VCPIP1: variants seen among roughly 807,000 people sequenced by gnomAD.
VCPIP1 encodes the protein deubiquitinating protein VCPIP1.
VCPIP1 carries 8 observed loss-of-function variants against 85.0 expected under a neutral mutation model. The ratio of observed to expected loss-of-function variants is 0.09; its 90% CI spans 0.06 to 0.17. The LOEUF is 0.17. Ranked by LOEUF, VCPIP1 falls within the 10% of genes least tolerant of loss-of-function variation. VCPIP1 has a pLI of 1.00. For missense variants in VCPIP1, 1,070 were observed against 1,486.3 expected (o/e 0.72, Z 4.61); for synonymous variants, 543 against 544.5 (o/e 1.00, Z 0.04).
chr8:66,665,539 C>A lies in VCPIP1; in HGVS notation c.1420G>T (p.Ala474Ser), dbSNP rs745986800. 4.3e-6 allele frequency: 7 copies of A among 1,614,056 alleles called. No homozygotes were observed. The highest frequency in any genetic ancestry group is 2.2e-5 in the East Asian group (1 of 44,882). Residue 474 changes from alanine to serine, a missense_variant, in exon 1 of 3, where the codon GCC becomes TCC. Ala to Ser is a moderately conservative substitution (Grantham distance 99). Around this residue, in one of 8 missense-constraint regions of VCPIP1, gnomAD observed 83 missense variants for 134.6 expected, o/e 0.62. Coordinates refer to ENST00000310421, the MANE Select transcript of VCPIP1 (RefSeq NM_025054.5). This position sits in a 1 kb window ranked among gnomAD's most constrained non-coding sequence, Gnocchi z 4.3. ...GGAGGAACATGAAGTTCAGAAAGGGCACCACAGAGCAAACATTTGTGAAGG... is the reference window on the plus strand; with the variant it reads ...GGAGGAACATGAAGTTCAGAAAGGGAACCACAGAGCAAACATTTGTGAAGG... Reference protein sequence around the residue: ...NRLHKCLLCGALSELHVPPEW... With the variant: ...NRLHKCLLCGSLSELHVPPEW...
At position 66,666,932 on chromosome 8, in the gene VCPIP1, A is replaced by C. The variant is rs1213499125; in HGVS notation, c.27T>G (p.Pro9=). The change falls in exon 1 of 3, where the codon CCT becomes CCG. Residue 9 remains proline (P), a synonymous_variant. Coordinates refer to ENST00000310421, the MANE Select transcript of VCPIP1 (RefSeq NM_025054.5). The surrounding 1 kb of genome is among the most constrained non-coding windows in gnomAD (Gnocchi z 6.3). ...GGGGAGGAGGTGGCGGCGGCAACGGAGGCGGCGGCGGCGGCGGCTGAGACA... is the reference window on the plus strand; with the variant it reads ...GGGGAGGAGGTGGCGGCGGCAACGGCGGCGGCGGCGGCGGCGGCTGAGACA... MSQPPPPP[P]PLPPPPPPPE... is the part of the protein sequence containing the mutation. 1 of 1,580,732 alleles carries C rather than the reference A, an allele frequency of 6.3e-7. No homozygotes were observed. Among genetic ancestry groups the C allele is most frequent in the African/African-American group, 1.4e-5 (1 of 72,638 alleles).
Position 66,667,023 on chromosome 8 carries a change from C to T in VCPIP1, c.-65G>A, listed in dbSNP as rs1811225237. On this transcript the variant is annotated 5_prime_UTR_variant, in exon 1 of 3. Transcript: ENST00000310421. The stretch of plus-strand genomic sequence containing the variant: ...CCCTCAAAAGCTCATAGCCCAGACC[C>T]CCACCAACCCGACTCGGTCCAGTCC... 1 of 1,445,782 alleles carries T rather than the reference C, an allele frequency of 6.9e-7. No homozygotes were observed. The allele number at this position is 1,445,782 out of a possible 1,614,324, so 89.6% of individuals were successfully genotyped here. A position where few individuals can be genotyped will look rare whatever the true frequency, so the allele number is the denominator to read the frequency against.
At chr8:66,655,010 T>C (rs1021441528) in intron 1 of VCPIP1, among the ~76,000 whole-genome samples, 2 of 152,182 alleles carry the variant, frequency 1.3e-5, no homozygotes, top group Non-Finnish European at 2.9e-5. Flanking sequence ...GGCCAATAAT[T>C]GTTACGTATC....
At chr8:66,644,049 T>A (rs1331674620) in intron 2 of VCPIP1, among the ~76,000 whole-genome samples, 1 of 152,008 alleles carries the variant, frequency 6.6e-6, no homozygotes, top group Non-Finnish European at 1.5e-5. Context: ...AAGACAAAAC[T>A]AACAAAGCTT....
chr8:66,642,527 G>C (rs565162267), intron 2 of VCPIP1, among the ~76,000 whole-genome samples: 1 of 152,060 alleles, frequency 6.6e-6, no homozygotes, highest in Non-Finnish European at 1.5e-5. Flanking sequence ...TTTCTTCTAA[G>C]AGTTTTCTAG....
Position 66,634,596 on chromosome 8 carries a change from T to G in VCPIP1, c.3574A>C (p.Lys1192Gln). The change falls in exon 3 of 3, where the codon AAA (lysine) becomes CAA (glutamine). Residue 1192 changes from lysine (K) to glutamine (Q), a missense_variant. Lys to Gln is a moderately conservative substitution (Grantham distance 53, BLOSUM62 1). Around this residue, in one of 8 missense-constraint regions of VCPIP1, gnomAD observed 255 missense variants for 289.5 expected, o/e 0.88. Transcript: ENST00000310421. Reference protein sequence around the residue: ...ALGAAFATRSKAQRGNSVEEL... With the variant: ...ALGAAFATRSQAQRGNSVEEL... ...TCCACGGAATTTCCCCTTTGTGCTT[T>G]TGACCTTGTGGCAAAGGCTGCTCCC... The G allele has an allele frequency of 6.2e-7, 1 of 1,614,224 alleles. No individual in the cohort carries two copies. The highest frequency in any genetic ancestry group is 8.5e-7 in the Non-Finnish European group (1 of 1,180,046).
At position 66,651,553 on chromosome 8, in the gene VCPIP1, CAAAA is replaced by C; in HGVS notation, c.2711-13_2711-10del. 6.2e-7 allele frequency: 1 copy of C among 1,608,364 alleles called. No homozygotes were observed. Among genetic ancestry groups the C allele is most frequent in the Non-Finnish European group, 8.5e-7 (1 of 1,176,962 alleles). ...AGACCATACATCTTCTCCTGTAAGACAAAAACAGATATAGTATTAGCAACAAACA... is the reference window on the plus strand; with the variant it reads ...AGACCATACATCTTCTCCTGTAAGACACAGATATAGTATTAGCAACAAACA... On this transcript the variant is annotated splice_polypyrimidine_tract_variant and intron_variant, in intron 1 of 2. Transcript: ENST00000310421.
At chr8:66,651,332 T>G (rs956812296) in intron 2 of VCPIP1, 126 bp downstream of exon 2, 5 of 701,372 alleles carry the variant, frequency 7.1e-6, no homozygotes, top group Non-Finnish European at 8.9e-6. Flanking sequence ...TTAGGCAAAC[T>G]GCTAAAAGAA....
rs971021018 is a variant in VCPIP1 at position 66,666,889 on chromosome 8, G to A, written c.70C>T (p.Pro24Ser). The change falls in exon 1 of 3, where the codon CCG (proline) becomes TCG (serine). Residue 24 changes from proline (P) to serine (S), a missense_variant. Around this residue, in one of 8 missense-constraint regions of VCPIP1, gnomAD observed 164 missense variants for 158.6 expected, o/e 1.03. Transcript: ENST00000310421. This position sits in a 1 kb window ranked among gnomAD's most constrained non-coding sequence, Gnocchi z 6.3. ...PPPPPEAPQT[P>S]SSLASAAASG... ...GCAGCCGCCGACGCCAAGGACGACG[G>A]AGTCTGTGGAGCCTCAGGGGGAGGA... is the stretch of plus-strand genomic sequence containing the variant. 1 of 1,612,340 alleles carries A rather than the reference G, an allele frequency of 6.2e-7. No homozygotes were observed. The highest frequency in any genetic ancestry group is 8.5e-7 in the Non-Finnish European group (1 of 1,179,692).
chr8:66,638,983 T>TAC (rs749958600), intron 2 of VCPIP1, among the ~76,000 whole-genome samples: 1 of 149,550 alleles, frequency 6.7e-6, no homozygotes, highest in Non-Finnish European at 1.5e-5. Context: ...TATATATATA[T>TAC]ATACATATAT....
At chr8:66,659,715 G>C (rs567490604) in intron 1 of VCPIP1, among the ~76,000 whole-genome samples, 2 of 152,204 alleles carry the variant, frequency 1.3e-5, no homozygotes, top group East Asian at 3.9e-4. Context: ...TGGATTGTCT[G>C]AGCTCAGGAG....
At chr8:66,637,336 A>C (rs1302469020) in intron 2 of VCPIP1, among the ~76,000 whole-genome samples, 1 of 152,100 alleles carries the variant, frequency 6.6e-6, no homozygotes, top group East Asian at 1.9e-4. Context: ...GGTGATAGCA[A>C]GAAACTGTCT....
At position 66,631,394 on chromosome 8, in the gene VCPIP1, A is replaced by C. The variant is rs1412651091; in HGVS notation, c.*3107T>G. 1 of 154,536 alleles carries C rather than the reference A, an allele frequency of 6.5e-6. No individual in the cohort carries two copies. Among genetic ancestry groups the C allele is most frequent in the Non-Finnish European group, 1.5e-5 (1 of 68,008 alleles). The allele number at this position is 154,536 out of a possible 1,614,324, so 9.6% of individuals were successfully genotyped here. A position where few individuals can be genotyped will look rare whatever the true frequency, so the allele number is the denominator to read the frequency against. On this transcript the variant is annotated 3_prime_UTR_variant, in exon 3 of 3. Transcript: ENST00000310421. ...AGATAGTATTGGTAGGTAACTACAT[A>C]AAACAATACTTTTATACATTTTGCA...
chr8:66,660,696 G>A (rs1412475814), intron 1 of VCPIP1, among the ~76,000 whole-genome samples: 1 of 152,088 alleles, frequency 6.6e-6, no homozygotes, highest in East Asian at 1.9e-4. Flanking sequence ...CTTTACATAT[G>A]GTTAGTATTT....
At chr8:66,662,785 G>A (rs1207404176) in intron 1 of VCPIP1, among the ~76,000 whole-genome samples, 9 of 151,596 alleles carry the variant, frequency 5.9e-5, no homozygotes, top group Admixed American at 2.0e-4. Flanking sequence ...GGGTTGAAGC[G>A]ATTCTCCTGC....
chr8:66,648,979 G>A (rs1473445916), intron 2 of VCPIP1, among the ~76,000 whole-genome samples: 2 of 152,078 alleles, frequency 1.3e-5, no homozygotes, highest in Admixed American at 6.5e-5. Flanking sequence ...AGGCAACATA[G>A]TGAGACCTTG....
Position 66,664,915 on chromosome 8 carries a change from G to C in VCPIP1, c.2044C>G (p.Gln682Glu). ...HAQRVGDVQG[Q>E]ESESQLPTKI... ...GTTGGGAGCTGAGACTCTGATTCTT[G>C]TCCTTGAACATCTCCAACTCTTTGG... Residue 682 changes from glutamine (Q) to glutamate (E), a missense_variant, in exon 1 of 3, where the codon CAA (glutamine) becomes GAA (glutamate). This residue lies in a region of VCPIP1 where 278 missense variants were observed against 298.5 expected (regional missense o/e 0.93). Coordinates refer to ENST00000310421, the MANE Select transcript of VCPIP1 (RefSeq NM_025054.5). The C allele has an allele frequency of 6.2e-7, 1 of 1,614,088 alleles. No individual in the cohort carries two copies. The highest frequency in any genetic ancestry group is 8.5e-7 in the Non-Finnish European group (1 of 1,180,018).
intron 1 of VCPIP1, among the ~76,000 whole-genome samples, chr8:66,654,721 C>A (rs933068797): frequency 2.0e-5 from 3 of 152,218 alleles, no homozygotes; most frequent in African/African-American, 7.2e-5. Context: ...CACTGCATTT[C>A]TCTCCAACCC....
intron 2 of VCPIP1, among the ~76,000 whole-genome samples, chr8:66,647,474 A>T (rs1475346799): frequency 3.9e-5 from 6 of 152,122 alleles, no homozygotes; most frequent in Admixed American, 3.9e-4. Context: ...ACTCACACTG[A>T]TTTCAAGAAT....
Sources: allele counts gnomAD v4.1 joint callset (sites outside exome capture counted in the v4.1 genomes callset), GRCh38; gene constraint gnomAD v4.1.1; regional missense constraint gnomAD v4.1.1; non-coding constraint Gnocchi (gnomAD v3.1); transcripts MANE v1.5; gene names NCBI Gene and HGNC (gene_info 2026-07-23, HGNC 2026-07-21).